The following EPB41L4A variants were observed in gnomAD, a reference collection of about 807,000 sequenced individuals.
EPB41L4A encodes erythrocyte membrane protein band 4.1 like 4A.
A neutral mutation model predicts 108.6 loss-of-function variants in EPB41L4A; 100 were observed. The ratio of observed to expected loss-of-function variants is 0.92; its 90% confidence interval spans 0.78 to 1.09. EPB41L4A has a LOEUF of 1.09. Among genes scored for constraint, EPB41L4A ranks in the 50% least tolerant of loss-of-function variants. EPB41L4A has a pLI of 0.00. For missense variants in EPB41L4A, 1,030 were observed against 842.7 expected (o/e 1.22, Z -2.75); for synonymous variants, 319 against 289.0 (o/e 1.10, Z -1.05).
chr5:112,190,707 T>C (rs1213054531), intron 17 of EPB41L4A, among the ~76,000 whole-genome samples: 1 of 151,874 alleles, frequency 6.6e-6, no homozygotes, highest in Non-Finnish European at 1.5e-5. Flanking sequence ...ATAGCATACC[T>C]CCCCCCACTC....
intron 2 of EPB41L4A, among the ~76,000 whole-genome samples, chr5:112,297,352 A>G (rs1460001677): frequency 6.6e-6 from 1 of 152,032 alleles, no homozygotes; most frequent in Admixed American, 6.6e-5. Context: ...GTAAGGTGGT[A>G]TTGCATTGTG....
At chr5:112,149,948 C>T (rs986152209) in intron 12 of EPB41L4A, among the ~76,000 whole-genome samples, 1 of 152,106 alleles carries the variant, frequency 6.6e-6, no homozygotes, top group Non-Finnish European at 1.5e-5. Context: ...GATTATGACC[C>T]ACGCATAACG....
rs1479210695 is a variant in EPB41L4A at position 112,346,215 on chromosome 5, C to CTTTTTTTTTTTTTT, written c.100-38726_100-38725insAAAAAAAAAAAAAA. ...AAATTCTTTAAAGTTAGGTACATTG[C>CTTTTTTTTTTTTTT]ATTTTTTTTTTTTTTTTTTTTTTTT... On this transcript the variant is annotated intron_variant, in intron 1 of 22. Coordinates refer to ENST00000261486, the MANE Select transcript of EPB41L4A (RefSeq NM_022140.5). 1.3e-3 allele frequency among the ~76,000 whole-genome samples: 66 copies of CTTTTTTTTTTTTTT among 49,028 alleles called. 1 individual carries two copies. Among genetic ancestry groups the CTTTTTTTTTTTTTT allele is most frequent in the African/African-American group, 2.6e-3 (57 of 22,058 alleles). The allele number at this position is 49,028 out of a possible 152,430, so 32.2% of individuals were successfully genotyped here.
intron 11 of EPB41L4A, among the ~76,000 whole-genome samples, chr5:112,235,255 CAGGAAGACTGA>C (rs1046976764): frequency 6.6e-6 from 1 of 152,146 alleles, no homozygotes; most frequent in African/African-American, 2.4e-5. Flanking sequence ...ATCAAGTGTC[CAGGAAGACTGA>C]AGGCAGGCCT....
At chr5:112,166,200 A>G (rs921095720) in intron 22 of EPB41L4A, among the ~76,000 whole-genome samples, 1 of 152,260 alleles carries the variant, frequency 6.6e-6, no homozygotes, top group African/African-American at 2.4e-5. Context: ...GTGAGGTGTA[A>G]GGCAGGTCAC....
rs557223041 is a variant in EPB41L4A, at chr5:112,383,965, A to G, written c.99+34976T>C. On this transcript the variant is annotated intron_variant, in intron 1 of 22. Transcript: ENST00000261486. ...AAAATGAAGTACTGATACCTATTAT[A>G]TTAAAAACTCTGAAAATATTACGCT... Among the ~76,000 whole-genome samples, 4 of 152,360 alleles carry G rather than the reference A, an allele frequency of 2.6e-5. No homozygotes were observed. The South Asian group carries it at 8.3e-4, about 32-fold the overall frequency.
At chr5:112,256,702 A>G (rs1392314614) in intron 9 of EPB41L4A, among the ~76,000 whole-genome samples, 1 of 152,164 alleles carries the variant, frequency 6.6e-6, no homozygotes, top group African/African-American at 2.4e-5. Context: ...TAAAATACAA[A>G]AGCATGTACA....
At chr5:112,154,472 T>A (rs970631738) in intron 12 of EPB41L4A, among the ~76,000 whole-genome samples, 2 of 152,232 alleles carry the variant, frequency 1.3e-5, no homozygotes, top group African/African-American at 4.8e-5. Flanking sequence ...TTAAACATTA[T>A]CTTAAAATCA....
At chr5:112,364,484 A>G (rs1021871016) in intron 1 of EPB41L4A, among the ~76,000 whole-genome samples, 1 of 152,230 alleles carries the variant, frequency 6.6e-6, no homozygotes, top group Non-Finnish European at 1.5e-5. Flanking sequence ...AAATTCCTAC[A>G]TGATAGACAC....
intron 12 of EPB41L4A, among the ~76,000 whole-genome samples, chr5:112,211,507 G>C (rs1171481591): frequency 1.3e-5 from 2 of 151,930 alleles, no homozygotes; most frequent in South Asian, 4.2e-4. Flanking sequence ...GCTTGAACTG[G>C]GACCCGGGAG....
chr5:112,357,471 C>A (rs1200223791), intron 1 of EPB41L4A, among the ~76,000 whole-genome samples: 1 of 152,236 alleles, frequency 6.6e-6, no homozygotes, highest in Admixed American at 6.5e-5. Flanking sequence ...TCCTAGCATA[C>A]AACCACACCT....
chr5:112,393,893 A>T (rs530570979), intron 1 of EPB41L4A, among the ~76,000 whole-genome samples: 2 of 152,256 alleles, frequency 1.3e-5, no homozygotes, highest in African/African-American at 2.4e-5. Context: ...TTATCCACCA[A>T]GATCAAGTTG....
Position 112,234,615 on chromosome 5 carries a change from C to A in EPB41L4A, c.1087+19G>T. The A allele has an allele frequency of 1.9e-6, 3 of 1,610,598 alleles. No homozygotes were observed. In the South Asian group the frequency reaches 3.3e-5, roughly 18 times the overall value. On this transcript the variant is annotated intron_variant, in intron 12 of 22. Coordinates refer to ENST00000261486, the MANE Select transcript of EPB41L4A (RefSeq NM_022140.5). ...GGAAAACAAGGTTACATAGATAACT[C>A]AGGGGAACCATGACTTACCAGCTGG...
At chr5:112,210,881 C>A (rs1180931764) in intron 12 of EPB41L4A, among the ~76,000 whole-genome samples, 1 of 152,048 alleles carries the variant, frequency 6.6e-6, no homozygotes, top group East Asian at 1.9e-4. Flanking sequence ...GTGTCTTCCT[C>A]GGAGCTACTC....
chr5:112,250,653 T>C (rs1750594639), intron 9 of EPB41L4A: 1 of 152,134 alleles, frequency 6.6e-6, no homozygotes, highest in South Asian at 2.1e-4. Flanking sequence ...GCCCATGTGT[T>C]TCAATTATGG....
rs1223949302 is a variant in EPB41L4A, at chr5:112,275,405, C to G, written c.257-1G>C. 3 of 1,533,048 alleles carry G rather than the reference C, an allele frequency of 2.0e-6. No individual in the cohort carries two copies. The highest frequency in any genetic ancestry group is 1.8e-6 in the Non-Finnish European group (2 of 1,134,724). 95.0% of individuals were successfully genotyped at this position (1,533,048 alleles called of 1,614,324 possible). ...AAATACAAAGTATATGGAGGTCCAG[C>G]TAAAATAAGAAATAGAAATTAAATT... is the stretch of plus-strand genomic sequence containing the variant. On this transcript the variant is annotated splice_acceptor_variant, in intron 3 of 22. Coordinates refer to ENST00000261486, the MANE Select transcript of EPB41L4A (RefSeq NM_022140.5). LOFTEE classifies it high-confidence loss of function.
downstream of EPB41L4A, chr5:112,158,549 T>A (rs1759729945): frequency 5.2e-6 from 1 of 192,714 alleles, no homozygotes; most frequent in African/African-American, 2.4e-5. Flanking sequence ...ATTCTCATGC[T>A]GCTGCCAATC....
intron 15 of EPB41L4A, chr5:112,196,963 T>A (rs1371970942): frequency 6.6e-6 from 1 of 152,234 alleles, no homozygotes; most frequent in African/African-American, 2.4e-5. Flanking sequence ...AACTCTTTCA[T>A]CTTCCTGCTA....
rs1761878400 is a variant in EPB41L4A at position 112,194,712 on chromosome 5, G to C, written c.1425-67C>G. On this transcript the variant is annotated intron_variant, in intron 16 of 22. Transcript: ENST00000261486. ...TATAACTCACGAACAATTTCAGAAA[G>C]GTTTATATGGGTCCTCTGGAATTCA... The C allele has an allele frequency of 5.3e-6, 5 of 952,148 alleles. 1 individual carries two copies. The South Asian group carries it at 8.1e-5, about 15-fold the overall frequency. 59.0% of individuals were successfully genotyped at this position (952,148 alleles called of 1,614,324 possible).
Sources: gnomAD v4.1 joint callset for allele counts (sites outside exome capture counted in the v4.1 genomes callset) on GRCh38, gnomAD v4.1.1 for gene constraint, MANE v1.5 for transcripts, NCBI Gene and HGNC (gene_info 2026-07-23, HGNC 2026-07-21) for gene names.